PCDH9: variants seen among roughly 807,000 people sequenced by gnomAD.
The protein encoded by PCDH9 is protocadherin-9.
PCDH9 carries 24 observed loss-of-function variants against 70.6 expected under a neutral mutation model. The ratio of observed to expected loss-of-function variants is 0.34; its 90% CI spans 0.25 to 0.48. PCDH9 has a LOEUF of 0.48. Among genes scored for constraint, PCDH9 ranks in the 20% least tolerant of loss-of-function variants. The pLI, the probability that PCDH9 is intolerant of heterozygous loss-of-function variation, is 0.99. For missense variants in PCDH9, 1,281 were observed against 1,503.6 expected, an observed-to-expected ratio of 0.85 and a Z score of 2.45; for synonymous variants, 562 against 558.5, an observed-to-expected ratio of 1.01 and a Z score of -0.09.
At chr13:66,993,294 T>G (rs1426214136) in intron 2 of PCDH9, among the ~76,000 whole-genome samples, 2 of 152,204 alleles carry the variant, frequency 1.3e-5, no homozygotes, top group East Asian at 3.8e-4. Context: ...TTTTCCTGAA[T>G]TTACCTGATA....
intron 3 of PCDH9, among the ~76,000 whole-genome samples, chr13:66,781,284 A>C (rs1477605802): frequency 6.6e-6 from 1 of 152,194 alleles, no homozygotes; most frequent in East Asian, 1.9e-4. Context: ...GTCATCCTAC[A>C]TTCTGCCCTT....
chr13:66,491,046 T>C (rs1377449075), intron 4 of PCDH9, among the ~76,000 whole-genome samples: 2 of 152,328 alleles, frequency 1.3e-5, no homozygotes, highest in East Asian at 3.9e-4. Context: ...CATTATTTAC[T>C]GGCTTCTTAG....
intron 2 of PCDH9, among the ~76,000 whole-genome samples, chr13:67,033,200 C>CT (rs1042957261): frequency 6.6e-6 from 1 of 151,808 alleles, no homozygotes; most frequent in Non-Finnish European, 1.5e-5. Flanking sequence ...ATCAGTACTT[C>CT]TTTTTTTATT....
chr13:66,672,709 A>T (rs981352177), intron 3 of PCDH9, among the ~76,000 whole-genome samples: 27 of 152,190 alleles, frequency 1.8e-4, no homozygotes, highest in African/African-American at 6.0e-4. Flanking sequence ...GACCATGGGA[A>T]CCCACCTCTT....
intron 3 of PCDH9, among the ~76,000 whole-genome samples, chr13:66,677,788 A>C (rs1236773758): frequency 6.6e-6 from 1 of 152,136 alleles, no homozygotes; most frequent in Non-Finnish European, 1.5e-5. Flanking sequence ...ATTGTGAGTC[A>C]ATTGAACCTC....
intron 3 of PCDH9, among the ~76,000 whole-genome samples, chr13:66,900,819 A>G (rs2082265110): frequency 1.3e-5 from 2 of 151,834 alleles, no homozygotes; most frequent in South Asian, 4.2e-4. Flanking sequence ...CAGAACAATC[A>G]TCTTTCTTGT....
chr13:66,951,867 G>A (rs1256278695), intron 2 of PCDH9, among the ~76,000 whole-genome samples: 1 of 152,060 alleles, frequency 6.6e-6, no homozygotes, highest in East Asian at 1.9e-4. Flanking sequence ...TGCCTGCGGG[G>A]ATCTAGCTGT....
At chr13:66,862,095 T>C (rs2081493929) in intron 3 of PCDH9, among the ~76,000 whole-genome samples, 1 of 152,182 alleles carries the variant, frequency 6.6e-6, no homozygotes, top group South Asian at 2.1e-4. Context: ...CATAGCAATA[T>C]TATTCTAAAC....
At chr13:67,074,030 T>TTCCATCTA (rs376655174) in intron 2 of PCDH9, among the ~76,000 whole-genome samples, 7 of 148,920 alleles carry the variant, frequency 4.7e-5, no homozygotes, top group Non-Finnish European at 8.9e-5. Context: ...TGAGATGAAA[T>TTCCATCTA]TCTATCTATC....
chr13:66,626,302 C>T (rs769339378), intron 4 of PCDH9, among the ~76,000 whole-genome samples: 1 of 152,118 alleles, frequency 6.6e-6, no homozygotes, highest in African/African-American at 2.4e-5. Context: ...GTCCTTGAGG[C>T]TAGATTACAT....
chr13:66,820,784 T>C (rs929667683), intron 3 of PCDH9, among the ~76,000 whole-genome samples: 5 of 152,114 alleles, frequency 3.3e-5, no homozygotes, highest in African/African-American at 1.2e-4. Flanking sequence ...CACATATAAG[T>C]ACGAGCTAAA....
chr13:66,448,589 A>G (rs1416347711), intron 4 of PCDH9, among the ~76,000 whole-genome samples: 3 of 152,226 alleles, frequency 2.0e-5, no homozygotes, highest in African/African-American at 7.2e-5. Flanking sequence ...TATAACATGT[A>G]TAAAATCACA....
chr13:66,938,840 T>C (rs2082959945), intron 2 of PCDH9, among the ~76,000 whole-genome samples: 1 of 152,186 alleles, frequency 6.6e-6, no homozygotes, highest in African/African-American at 2.4e-5. Flanking sequence ...TTCATATATG[T>C]AGATCATTTT....
At chr13:66,910,108 G>T (rs1239023472) in intron 2 of PCDH9, among the ~76,000 whole-genome samples, 2 of 152,056 alleles carry the variant, frequency 1.3e-5, no homozygotes, top group African/African-American at 4.8e-5. Context: ...ATGTCTCAAA[G>T]GTAGGAAAAG....
intron 3 of PCDH9, among the ~76,000 whole-genome samples, chr13:66,792,355 T>C (rs1483466150): frequency 6.6e-6 from 1 of 152,022 alleles, no homozygotes; most frequent in Admixed American, 6.6e-5. Flanking sequence ...ACACAGACCA[T>C]ATATGTGCAG....
intron 2 of PCDH9, among the ~76,000 whole-genome samples, chr13:66,936,759 T>C (rs1306802600): frequency 2.6e-5 from 4 of 152,184 alleles, no homozygotes; most frequent in East Asian, 1.9e-4. Flanking sequence ...CAGTGTTTCA[T>C]TGATTAATAA....
chr13:66,727,189 A>C (rs552304945), intron 3 of PCDH9, among the ~76,000 whole-genome samples: 371 of 152,316 alleles, frequency 2.4e-3, no homozygotes, highest in Non-Finnish European at 4.0e-3. Flanking sequence ...CCCTGAGCCC[A>C]GTCCAAGGCT....
At chr13:67,128,455 T>C (rs1046138963) in intron 2 of PCDH9, among the ~76,000 whole-genome samples, 2 of 152,262 alleles carry the variant, frequency 1.3e-5, no homozygotes, top group Middle Eastern at 3.4e-3. Context: ...CTCAAATAAA[T>C]GGTGTCAAAG....
At chr13:66,437,732 C>T (rs1957898659) in intron 4 of PCDH9, among the ~76,000 whole-genome samples, 1 of 152,074 alleles carries the variant, frequency 6.6e-6, no homozygotes, top group South Asian at 2.1e-4. Context: ...TTCTGCTTGG[C>T]TTGGCAGTAT....
Sources: allele counts gnomAD v4.1 joint callset (sites outside exome capture counted in the v4.1 genomes callset), GRCh38; gene constraint gnomAD v4.1.1; transcripts MANE v1.5; gene names NCBI Gene and HGNC (gene_info 2026-07-23, HGNC 2026-07-21).